Variants in UBE2J2 observed in about 807,000 individuals in gnomAD.
The protein encoded by UBE2J2 is ubiquitin-conjugating enzyme E2 J2.
In UBE2J2, 5 loss-of-function variants were observed where a neutral mutation model predicts 28.6. The ratio of observed to expected loss-of-function variants is 0.17; its 90% CI spans 0.09 to 0.37. The LOEUF (loss-of-function observed/expected upper bound fraction) is 0.37, where lower values mean the gene tolerates loss of function less well. Among genes scored for constraint, UBE2J2 ranks in the 10% least tolerant of loss-of-function variants. The probability of loss-of-function intolerance (pLI) is 1.00; values close to 1 mark genes in which losing one functional copy is unlikely to be tolerated. For synonymous variants in UBE2J2, 138 were observed against 139.7 expected, an observed-to-expected ratio of 0.99 and a Z score of 0.09; for missense variants, 226 against 338.9, an observed-to-expected ratio of 0.67 and a Z score of 2.62.
At chr1:1,270,363 G>A (rs568736468) in intron 1 of UBE2J2, among the ~76,000 whole-genome samples, 2 of 152,100 alleles carry the variant, frequency 1.3e-5, no homozygotes, top group Non-Finnish European at 2.9e-5. Context: ...CCAGCAGCCT[G>A]TTTAGTGTCT....
At chr1:1,273,501 C>T (rs942890003) in intron 1 of UBE2J2, 165 bp downstream of exon 1, 8 of 152,152 alleles carry the variant, frequency 5.3e-5, no homozygotes, top group Non-Finnish European at 7.4e-5. Flanking sequence ...TAACCGACCT[C>T]GGGTTCCGCG....
At chr1:1,267,437 T>C (rs1042079655) in intron 2 of UBE2J2, among the ~76,000 whole-genome samples, 16 of 152,124 alleles carry the variant, frequency 1.1e-4, no homozygotes, top group African/African-American at 3.1e-4. Flanking sequence ...CTAATTCCCA[T>C]ATCCAGAAGC....
At chr1:1,272,536 C>T (rs1640205233) in intron 1 of UBE2J2, among the ~76,000 whole-genome samples, 1 of 152,206 alleles carries the variant, frequency 6.6e-6, no homozygotes, top group African/African-American at 2.4e-5. Flanking sequence ...GCCTTCTCCA[C>T]CAGACTGCTC....
chr1:1,263,632 C>T (rs1207919450), intron 2 of UBE2J2: 3 of 409,780 alleles, frequency 7.3e-6, no homozygotes, highest in East Asian at 3.8e-5. Flanking sequence ...CATAAAGTAC[C>T]TTTGTTTCGA....
chr1:1,257,974 T>C (rs573114458), intron 3 of UBE2J2, among the ~76,000 whole-genome samples: 15 of 151,966 alleles, frequency 9.9e-5, no homozygotes, highest in Admixed American at 8.5e-4. Flanking sequence ...GCTTTCTCCC[T>C]GCTCTACCAA....
In UBE2J2 at chr1:1,254,986, C is replaced by T. The variant is rs1337201036; in HGVS notation, c.*217G>A. On this transcript the variant is annotated 3_prime_UTR_variant, in exon 7 of 7. Coordinates refer to ENST00000349431, the MANE Select transcript of UBE2J2 (RefSeq NM_058167.3). ...ATCCAGCACACAAGGCCCACCCACA[C>T]CAGCCCCAGCGGCCCGTGGCCAGGA... The T allele has an allele frequency of 1.9e-6, 1 of 522,672 alleles. No individual in the cohort carries two copies. The highest frequency in any genetic ancestry group is 3.6e-5 in the Admixed American group (1 of 27,446). 32.4% of individuals were successfully genotyped at this position (522,672 alleles called of 1,614,324 possible).
chr1:1,272,643 G>C (rs1283494731), intron 1 of UBE2J2, among the ~76,000 whole-genome samples: 1 of 151,734 alleles, frequency 6.6e-6, no homozygotes, highest in South Asian at 2.1e-4. Context: ...ACTCATCCAC[G>C]CACCTACCTG....
chr1:1,259,360 G>A (rs1344102531), intron 3 of UBE2J2, among the ~76,000 whole-genome samples: 3 of 152,018 alleles, frequency 2.0e-5, no homozygotes, highest in Non-Finnish European at 2.9e-5. Flanking sequence ...ATCAGGACAC[G>A]TGCATGCGTG....
chr1:1,266,775 C>T (rs1157326250), intron 2 of UBE2J2, among the ~76,000 whole-genome samples: 3 of 152,106 alleles, frequency 2.0e-5, no homozygotes, highest in South Asian at 2.1e-4. Context: ...TGCAGTGAGC[C>T]GAGATTGTGC....
Position 1,255,350 on chromosome 1 carries a change from C to A in UBE2J2, c.633G>T (p.Gly211=), listed in dbSNP as rs139942147. The change falls in exon 7 of 7, where the codon GGG becomes GGT. Residue 211 remains glycine, a synonymous_variant. Transcript: ENST00000349431. ...GGAGCCCTGCGAGGTTTGGGACGGC[C>A]CCCGGCGCATGCCCGTTGAGCAGCT... The part of the protein sequence containing the change: ...GIQLLNGHAP[G]AVPNLAGLQQ... The A allele has an allele frequency of 6.2e-7, 1 of 1,613,694 alleles. No homozygotes were observed. The highest frequency in any genetic ancestry group is 1.3e-5 in the African/African-American group (1 of 74,952).
chr1:1,265,245 A>G (rs1204479700), intron 2 of UBE2J2, among the ~76,000 whole-genome samples: 1 of 152,130 alleles, frequency 6.6e-6, no homozygotes, highest in Non-Finnish European at 1.5e-5. Context: ...GAAGGGAGAG[A>G]CACCTGCCGA....
In UBE2J2 at chr1:1,255,386, C is replaced by T. The variant is rs779481600; in HGVS notation, c.597G>A (p.Gln199=). Residue 199 remains glutamine, a synonymous_variant, in exon 7 of 7, where the codon CAG becomes CAA. Coordinates refer to ENST00000349431, the MANE Select transcript of UBE2J2 (RefSeq NM_058167.3). Reference sequence around the variant, plus strand: ...GCCCGTTGAGCAGCTGAATCCCGTTCTGGACGAGGTGCGTCTCCCCGTCTG... The same window carrying T: ...GCCCGTTGAGCAGCTGAATCCCGTTTTGGACGAGGTGCGTCTCCCCGTCTG... The part of the protein sequence containing the change: ...VVPDGETHLV[Q]NGIQLLNGHA... 9.5e-5 allele frequency: 153 copies of T among 1,613,766 alleles called. No homozygotes were observed. Among genetic ancestry groups the T allele is most frequent in the Non-Finnish European group, 1.2e-4 (146 of 1,180,040 alleles).
At chr1:1,259,641 C>G (rs1285537069) in intron 3 of UBE2J2, among the ~76,000 whole-genome samples, 1 of 152,180 alleles carries the variant, frequency 6.6e-6, no homozygotes, top group Non-Finnish European at 1.5e-5. Context: ...CAACAATTTT[C>G]AGTTCACATC....
At chr1:1,263,571 G>A (rs1639680203) in intron 2 of UBE2J2, 185 bp from the exon 3 acceptor site, 4 of 587,220 alleles carry the variant, frequency 6.8e-6, no homozygotes, top group Middle Eastern at 4.6e-4. Flanking sequence ...TACCGTGGGT[G>A]CTTTTAGTCT....
chr1:1,263,452 C>T, intron 2 of UBE2J2, 66 bp from the exon 3 acceptor site: 1 of 1,454,272 alleles, frequency 6.9e-7, no homozygotes. Context: ...TGAATCATTC[C>T]AAGCCTGGGG....
In UBE2J2 at chr1:1,268,042, G is replaced by A; in HGVS notation, c.1-50C>T. 1 of 1,602,828 alleles carries A rather than the reference G, an allele frequency of 6.2e-7. No homozygotes were observed. Among genetic ancestry groups the A allele is most frequent in the Non-Finnish European group, 8.5e-7 (1 of 1,172,664 alleles). On this transcript the variant is annotated intron_variant, in intron 1 of 6. Coordinates refer to ENST00000349431, the MANE Select transcript of UBE2J2 (RefSeq NM_058167.3). This position sits in a 1 kb window ranked among gnomAD's most constrained non-coding sequence, Gnocchi z 4.7. ...ACGACGAGAAGCAGCGCCGGCCACA[G>A]CTCTCTCCCCTGGCGCAGCCCCACT...
At chr1:1,255,636 G>A (rs542178987) in intron 6 of UBE2J2, 149 bp from the exon 7 acceptor site, 9 of 974,978 alleles carry the variant, frequency 9.2e-6, no homozygotes, top group African/African-American at 1.6e-5. Context: ...GTGAGGGCCC[G>A]AGCGTGGCCG....
intron 2 of UBE2J2, among the ~76,000 whole-genome samples, chr1:1,263,872 A>G (rs1375475834): frequency 1.3e-5 from 2 of 152,070 alleles, no homozygotes; most frequent in Middle Eastern, 3.4e-3. Flanking sequence ...GCATGCCTGC[A>G]GCCCGCCTAC....
rs976949617 is a variant in UBE2J2 at position 1,263,292 on chromosome 1, G to A, written c.172+54C>T. On this transcript the variant is annotated intron_variant, in intron 3 of 6. Transcript: ENST00000349431. Reference sequence around the variant, plus strand: ...TAAAAGATGTTGAACAGGCAAGGCTGACTGAGAATATAAAAACCGCCTGGT... The same window carrying A: ...TAAAAGATGTTGAACAGGCAAGGCTAACTGAGAATATAAAAACCGCCTGGT... The A allele has an allele frequency of 4.0e-6, 6 of 1,498,342 alleles. No individual in the cohort carries two copies. In the South Asian group the frequency reaches 5.6e-5, roughly 14 times the overall value. 92.8% of individuals were successfully genotyped at this position (1,498,342 alleles called of 1,614,324 possible).
Sources: gnomAD v4.1 joint callset for allele counts (sites outside exome capture counted in the v4.1 genomes callset) on GRCh38, gnomAD v4.1.1 for gene constraint, Gnocchi (gnomAD v3.1) non-coding constraint, MANE v1.5 for transcripts, NCBI Gene and HGNC (gene_info 2026-07-23, HGNC 2026-07-21) for gene names.